The following PCNX1 variants were observed in gnomAD, a reference collection of about 807,000 sequenced individuals.
PCNX1 encodes the protein pecanex 1.
PCNX1 carries 78 observed loss-of-function variants against 242.2 expected under a neutral mutation model. The ratio of observed to expected loss-of-function variants is 0.32; its 90% CI spans 0.27 to 0.39. The LOEUF (loss-of-function observed/expected upper bound fraction) is 0.39. Ranked by LOEUF, PCNX1 falls within the 10% of genes least tolerant of loss-of-function variation. PCNX1 has a pLI of 1.00. For missense variants in PCNX1, 2,581 were observed against 2,856.5 expected, an observed-to-expected ratio of 0.90 and a Z score of 2.20; for synonymous variants, 1,024 against 1,032.9, an observed-to-expected ratio of 0.99 and a Z score of 0.17.
chr14:71,053,332 A>G (rs1211851019), intron 24 of PCNX1: 3 of 448,980 alleles, frequency 6.7e-6, no homozygotes, highest in Non-Finnish European at 1.3e-5. Context: ...GAGTGCAATG[A>G]CACAATCTCG....
intron 16 of PCNX1, among the ~76,000 whole-genome samples, chr14:71,029,577 G>T (rs2060326696): frequency 6.6e-6 from 1 of 152,192 alleles, no homozygotes; most frequent in Admixed American, 6.5e-5. Context: ...TGTAACGAAG[G>T]TTATGAAAAC....
At chr14:70,959,682 G>A (rs376429504) in intron 2 of PCNX1, among the ~76,000 whole-genome samples, 4 of 150,112 alleles carry the variant, frequency 2.7e-5, no homozygotes, top group African/African-American at 7.4e-5. Flanking sequence ...TAGTGCCGCA[G>A]TAAACATACG....
intron 11 of PCNX1, among the ~76,000 whole-genome samples, chr14:71,014,028 T>G (rs541057399): frequency 6.6e-6 from 1 of 152,298 alleles, no homozygotes; most frequent in African/African-American, 2.4e-5. Flanking sequence ...GGAAACTATT[T>G]GAGGCCAGGG....
chr14:71,047,085 T>G lies in PCNX1; in HGVS notation c.4140T>G (p.Ser1380Arg). Residue 1380 changes from serine to arginine, a missense_variant, in exon 21 of 36, where the codon AGT becomes AGG. By Grantham distance (110) the Ser-to-Arg change is moderately radical (BLOSUM62 -1). Transcript: ENST00000304743. ...ELSSSAETIA[S>R]PKKLNTELGA... is the part of the protein sequence containing the mutation. ...GCAGCAGTGCAGAGACAATTGCTAGTCCAAAGAAACTGAATACAGAGTAAG... is the reference window on the plus strand; with the variant it reads ...GCAGCAGTGCAGAGACAATTGCTAGGCCAAAGAAACTGAATACAGAGTAAG... The G allele has an allele frequency of 6.2e-7, 1 of 1,606,106 alleles. No homozygotes were observed.
intron 2 of PCNX1, among the ~76,000 whole-genome samples, chr14:70,961,277 T>C (rs1458104005): frequency 1.3e-5 from 2 of 152,152 alleles, no homozygotes; most frequent in African/African-American, 4.8e-5. Flanking sequence ...ACTACAAGGC[T>C]ACAGTAACCA....
chr14:70,934,532 T>C (rs1246848576), intron 1 of PCNX1, among the ~76,000 whole-genome samples: 1 of 152,196 alleles, frequency 6.6e-6, no homozygotes, highest in African/African-American at 2.4e-5. Context: ...TCCTCCCCCC[T>C]CAGCCTCCTG....
chr14:70,921,390 C>T (rs1356584429), intron 1 of PCNX1, among the ~76,000 whole-genome samples: 4 of 152,116 alleles, frequency 2.6e-5, no homozygotes. Flanking sequence ...AAGCAGTCCT[C>T]CCATCTGAGT....
At chr14:70,991,470 C>T (rs1413067857) in intron 7 of PCNX1, among the ~76,000 whole-genome samples, 1 of 152,152 alleles carries the variant, frequency 6.6e-6, no homozygotes, top group Non-Finnish European at 1.5e-5. Flanking sequence ...TTTCAAAGTG[C>T]CGGGATTACA....
At chr14:71,080,302 AAT>A (rs2061822097) in intron 28 of PCNX1, among the ~76,000 whole-genome samples, 1 of 152,190 alleles carries the variant, frequency 6.6e-6, no homozygotes, top group Non-Finnish European at 1.5e-5. Flanking sequence ...GAAGTTAGGT[AAT>A]GTGATGCCTC....
chr14:71,030,353 A>G (rs2060348898), intron 16 of PCNX1, among the ~76,000 whole-genome samples: 1 of 151,204 alleles, frequency 6.6e-6, no homozygotes, highest in Non-Finnish European at 1.5e-5. Flanking sequence ...TTTTTTTTAG[A>G]AGCTTGTTTA....
At chr14:71,008,846 A>G (rs547263257) in intron 8 of PCNX1, among the ~76,000 whole-genome samples, 2 of 152,182 alleles carry the variant, frequency 1.3e-5, no homozygotes, top group East Asian at 3.9e-4. Context: ...CATCACCGAT[A>G]TGGCTACCAT....
rs1169988252 is a variant in PCNX1, at chr14:71,068,452, ATG to A, written c.4853-5089_4853-5088del. 4.0e-5 allele frequency among the ~76,000 whole-genome samples: 6 copies of A among 149,180 alleles called. No individual in the cohort carries two copies. In the South Asian group the frequency reaches 1.3e-3, roughly 31 times the overall value. Reference sequence around the variant, plus strand: ...TGTATATATGTATGTATATGTATATATGTGTATATACATATATATGTGCATAT... The same window carrying A: ...TGTATATATGTATGTATATGTATATATGTATATACATATATATGTGCATAT... On this transcript the variant is annotated intron_variant, in intron 26 of 35. Coordinates refer to ENST00000304743, the MANE Select transcript of PCNX1 (RefSeq NM_014982.3).
intron 30 of PCNX1, among the ~76,000 whole-genome samples, chr14:71,099,133 C>T (rs2062389855): frequency 6.6e-6 from 1 of 151,630 alleles, no homozygotes; most frequent in African/African-American, 2.4e-5. Flanking sequence ...CCACTGTGGT[C>T]CAAGAGTATG....
Position 71,102,074 on chromosome 14 carries a change from G to T in PCNX1, c.5674G>T (p.Ala1892Ser). The T allele has an allele frequency of 6.2e-7, 1 of 1,613,580 alleles. No individual in the cohort carries two copies. The highest frequency in any genetic ancestry group is 8.5e-7 in the Non-Finnish European group (1 of 1,179,626). The change falls in exon 31 of 36, where the codon GCC becomes TCC. Residue 1892 changes from alanine (A) to serine (S), a missense_variant. Ala to Ser is a moderately conservative substitution (Grantham distance 99). Coordinates refer to ENST00000304743, the MANE Select transcript of PCNX1 (RefSeq NM_014982.3). ...IVSHEKNLVI[A>S]HEGDPAWRSA... ...ATCTCATGAGAAGAACCTCGTAATA[G>T]CCCATGAAGGGGACCCTGCATGGCG...
intron 1 of PCNX1, among the ~76,000 whole-genome samples, chr14:70,934,534 A>C (rs1051539179): frequency 2.0e-5 from 3 of 152,172 alleles, no homozygotes; most frequent in African/African-American, 7.2e-5. Flanking sequence ...CTCCCCCCTC[A>C]GCCTCCTGTG....
chr14:70,994,426 T>TAGATATATATATATATATATATATATAG (rs1555357420), intron 7 of PCNX1, among the ~76,000 whole-genome samples: 1 of 114,984 alleles, frequency 8.7e-6, no homozygotes, highest in Non-Finnish European at 1.8e-5. Flanking sequence ...TATATATATA[T>TAGATATATATATATATATATATATATAG]ATATGTATGT....
In PCNX1 at chr14:71,095,820, A is replaced by T. The variant is rs371420621; in HGVS notation, c.5590-6170A>T. Among the ~76,000 whole-genome samples, 538 of 152,312 alleles carry T rather than the reference A, an allele frequency of 3.5e-3. 1 individual carries two copies. The highest frequency in any genetic ancestry group is 0.013 in the African/African-American group (522 of 41,562). On this transcript the variant is annotated intron_variant, in intron 30 of 35. Coordinates refer to ENST00000304743, the MANE Select transcript of PCNX1 (RefSeq NM_014982.3). ...CAGTGAAAAGAGATATTTAAACAAGATGAAACATTTTCCACTTTGGGCATG... is the reference window on the plus strand; with the variant it reads ...CAGTGAAAAGAGATATTTAAACAAGTTGAAACATTTTCCACTTTGGGCATG...
At chr14:70,948,573 A>C (rs1164971469) in intron 2 of PCNX1, among the ~76,000 whole-genome samples, 1 of 151,860 alleles carries the variant, frequency 6.6e-6, no homozygotes, top group Non-Finnish European at 1.5e-5. Flanking sequence ...GTGTGTGTAT[A>C]TATACACATA....
At chr14:71,030,230 A>G (rs1467177868) in intron 16 of PCNX1, among the ~76,000 whole-genome samples, 1 of 152,038 alleles carries the variant, frequency 6.6e-6, no homozygotes, top group Non-Finnish European at 1.5e-5. Context: ...TCTTTTTGGC[A>G]TTTACCTGTA....
Sources: allele counts gnomAD v4.1 joint callset (sites outside exome capture counted in the v4.1 genomes callset), GRCh38; gene constraint gnomAD v4.1.1; transcripts MANE v1.5; gene names NCBI Gene and HGNC (gene_info 2026-07-23, HGNC 2026-07-21).